Variants in NHERF1 observed in about 807,000 individuals in gnomAD.
NHERF1 encodes NHERF family PDZ scaffold protein 1.
At chr17:74,748,930 G>T in the NHERF1 span, 1 of 1,603,286 alleles carries the variant, frequency 6.2e-7, no homozygotes, top group Non-Finnish European at 8.5e-7. This position sits in a 1 kb window ranked among gnomAD's most constrained non-coding sequence, Gnocchi z 4.3. Flanking sequence ...GCTTCCACCT[G>T]CACGGGGAGA....
the NHERF1 span, chr17:74,768,514 C>T: frequency 5.6e-6 from 9 of 1,614,152 alleles, no homozygotes; most frequent in Admixed American, 3.3e-5. Context: ...ACAGCGCCCT[C>T]GTCTACCTCC....
the NHERF1 span, among the ~76,000 whole-genome samples, chr17:74,756,382 G>A: frequency 2.5e-4 from 37 of 145,136 alleles, no homozygotes; most frequent in Middle Eastern, 7.5e-3. Context: ...GGGTTCAAGC[G>A]GTTCTCGTGC....
the NHERF1 span, chr17:74,763,620 C>A: frequency 7.9e-7 from 1 of 1,268,710 alleles, no homozygotes; most frequent in Non-Finnish European, 1.1e-6. Context: ...GAGGGGTGGG[C>A]AGCTTCCCGG....
chr17:74,765,917 A>G, the NHERF1 span, among the ~76,000 whole-genome samples: 1 of 151,972 alleles, frequency 6.6e-6, no homozygotes, highest in Non-Finnish European at 1.5e-5. Flanking sequence ...TTTTGGTGTC[A>G]TCATCATCAC....
the NHERF1 span, among the ~76,000 whole-genome samples, chr17:74,761,226 G>C: frequency 2.0e-5 from 3 of 152,168 alleles, no homozygotes; most frequent in Admixed American, 6.5e-5. This position sits in a 1 kb window ranked among gnomAD's most constrained non-coding sequence, Gnocchi z 4.3. Flanking sequence ...CTTTAGCCCA[G>C]CCCTGCTTTT....
chr17:74,758,528 C>G, the NHERF1 span, among the ~76,000 whole-genome samples: 1 of 152,216 alleles, frequency 6.6e-6, no homozygotes, highest in Non-Finnish European at 1.5e-5. The surrounding 1 kb of genome is among the most constrained non-coding windows in gnomAD (Gnocchi z 4.3). Flanking sequence ...AGTCTCCTCT[C>G]TGAGCAGATC....
the NHERF1 span, chr17:74,768,527 C>G: frequency 6.2e-7 from 1 of 1,614,182 alleles, no homozygotes; most frequent in South Asian, 1.1e-5. Context: ...CTACCTCCTC[C>G]TCCGACCCCA....
chr17:74,753,252 T>C, the NHERF1 span, among the ~76,000 whole-genome samples: 210 of 152,236 alleles, frequency 1.4e-3, no homozygotes, highest in African/African-American at 4.8e-3. Context: ...GGTTTGTAAA[T>C]GAAAGTGCTA....
At chr17:74,761,678 TC>T in the NHERF1 span, among the ~76,000 whole-genome samples, 1 of 152,108 alleles carries the variant, frequency 6.6e-6, no homozygotes, top group African/African-American at 2.4e-5. This position sits in a 1 kb window ranked among gnomAD's most constrained non-coding sequence, Gnocchi z 4.3. Flanking sequence ...AGAGGCCCGA[TC>T]AACACAGCAT....
At chr17:74,768,640 T>C in the NHERF1 span, 1 of 1,613,874 alleles carries the variant, frequency 6.2e-7, no homozygotes, top group Non-Finnish European at 8.5e-7. Context: ...AAAAACGAAC[T>C]CTTCAGCAAC....
At chr17:74,748,786 GCCGTC>G in the NHERF1 span, 6 of 1,425,416 alleles carry the variant, frequency 4.2e-6, no homozygotes, top group Non-Finnish European at 3.8e-6. The surrounding 1 kb of genome is among the most constrained non-coding windows in gnomAD (Gnocchi z 4.3). Context: ...GAAGGGCTGG[GCCGTC>G]CCGTCCCGTC....
the NHERF1 span, among the ~76,000 whole-genome samples, chr17:74,754,300 C>G: frequency 2.0e-5 from 3 of 151,938 alleles, no homozygotes; most frequent in African/African-American, 7.3e-5. Flanking sequence ...TAGAGTGGCC[C>G]TACCTGGAAG....
the NHERF1 span, among the ~76,000 whole-genome samples, chr17:74,750,710 C>T: frequency 6.7e-6 from 1 of 150,284 alleles, no homozygotes; most frequent in African/African-American, 2.4e-5. Context: ...GTCCATCGAT[C>T]GATTTGACAT....
the NHERF1 span, chr17:74,766,985 G>A: frequency 8.7e-6 from 14 of 1,613,530 alleles, no homozygotes; most frequent in East Asian, 2.2e-5. Context: ...AGGTAAGGGC[G>A]GGTCCCCTGT....
chr17:74,768,147 G>A, the NHERF1 span: 2 of 1,608,066 alleles, frequency 1.2e-6, no homozygotes, highest in Non-Finnish European at 8.5e-7. Context: ...TCTCTGCCAG[G>A]AGAACAGTCG....
At chr17:74,762,323 G>A in the NHERF1 span, 2 of 706,568 alleles carry the variant, frequency 2.8e-6, 1 homozygote, top group African/African-American at 3.5e-5. The surrounding 1 kb of genome is among the most constrained non-coding windows in gnomAD (Gnocchi z 4.2). Flanking sequence ...TGGGAGGGAG[G>A]GAGGGAAGGG....
the NHERF1 span, chr17:74,763,127 C>T: frequency 2.1e-6 from 1 of 473,062 alleles, no homozygotes; most frequent in Non-Finnish European, 3.8e-6. Context: ...TTTGTTTAGT[C>T]TCGTCTGGAT....
At chr17:74,749,264 G>T in the NHERF1 span, 1 of 1,529,250 alleles carries the variant, frequency 6.5e-7, no homozygotes, top group South Asian at 1.2e-5. This position sits in a 1 kb window ranked among gnomAD's most constrained non-coding sequence, Gnocchi z 5.6. Flanking sequence ...GCCTCGCGAG[G>T]CCGACAAGAG....
chr17:74,769,303 G>GT, the NHERF1 span: 1 of 152,294 alleles, frequency 6.6e-6, no homozygotes, highest in African/African-American at 2.4e-5. Context: ...CCTGAGCCAG[G>GT]TACCACCATT....
Sources: allele counts gnomAD v4.1 joint callset (sites outside exome capture counted in the v4.1 genomes callset), GRCh38; gene constraint gnomAD v4.1.1; non-coding constraint Gnocchi (gnomAD v3.1); transcripts MANE v1.5; gene names NCBI Gene and HGNC (gene_info 2026-07-23, HGNC 2026-07-21).